The following PCDHGA1 variants were observed in gnomAD, a reference collection of about 807,000 sequenced individuals.
The protein encoded by PCDHGA1 is protocadherin gamma-A1.
PCDHGA1 carries 32 observed loss-of-function variants against 58.0 expected under a neutral mutation model. The observed-to-expected ratio is 0.55, with a 90% confidence interval of 0.42 to 0.74. The LOEUF is 0.74. Ranked by LOEUF, PCDHGA1 falls within the 30% of genes least tolerant of loss-of-function variation. The pLI is 0.00. For missense variants in PCDHGA1, 1,205 were observed against 1,182.3 expected, an observed-to-expected ratio of 1.02 and a Z score of -0.28; for synonymous variants, 498 against 501.1, an observed-to-expected ratio of 0.99 and a Z score of 0.08.
chr5:141,371,081 G>T, intron 1 of PCDHGA1: 11 of 1,613,852 alleles, frequency 6.8e-6, no homozygotes, highest in Non-Finnish European at 9.3e-6. Context: ...CCCAGATCAG[G>T]GTAATTGTCG....
chr5:141,495,977 T>C (rs2099765025), intron 2 of PCDHGA1, among the ~76,000 whole-genome samples: 1 of 152,174 alleles, frequency 6.6e-6, no homozygotes, highest in Admixed American at 6.5e-5. Flanking sequence ...TCTGTTACTC[T>C]TTCTTTATCT....
intron 1 of PCDHGA1, chr5:141,419,312 G>A (rs35892780): frequency 1.2e-6 from 2 of 1,613,962 alleles, no homozygotes; most frequent in South Asian, 2.2e-5. Context: ...CGGGCTCAAC[G>A]GCCGTGTCTC....
intron 1 of PCDHGA1, among the ~76,000 whole-genome samples, chr5:141,467,665 G>T (rs1205474808): frequency 4.6e-5 from 7 of 152,040 alleles, no homozygotes; most frequent in Non-Finnish European, 1.0e-4. Flanking sequence ...AGTGCCAGAA[G>T]ATTTTTATTT....
In PCDHGA1 at chr5:141,489,662, G is replaced by C; in HGVS notation, c.2422-5145G>C. 8.1e-6 allele frequency: 13 copies of C among 1,614,144 alleles called. No individual in the cohort carries two copies. The highest frequency in any genetic ancestry group is 1.1e-5 in the Non-Finnish European group (13 of 1,180,010). On this transcript the variant is annotated intron_variant, in intron 1 of 3. Coordinates refer to ENST00000517417, the MANE Select transcript of PCDHGA1 (RefSeq NM_018912.3). This position sits in a 1 kb window ranked among gnomAD's most constrained non-coding sequence, Gnocchi z 4.5. The stretch of plus-strand genomic sequence containing the variant: ...TTTGCCACCCCTGAGCGAGAGATGC[G>C]CATCTCAGAATCAGCAGCATCTGGG...
chr5:141,404,995 T>A (rs1561697585), intron 1 of PCDHGA1: 1 of 1,614,008 alleles, frequency 6.2e-7, no homozygotes, highest in Non-Finnish European at 8.5e-7. Context: ...TTCAGATCCC[T>A]GCAGACCTGG....
Position 141,498,971 on chromosome 5 carries a change from GGGAAGGAAGGAAGGAAGGAAGGAA to G in PCDHGA1, c.2480+4140_2480+4163del, listed in dbSNP as rs201769957. 5.1e-3 allele frequency among the ~76,000 whole-genome samples: 569 copies of G among 111,048 alleles called. 6 individuals carry two copies. Among genetic ancestry groups the G allele is most frequent in the South Asian group, 0.024 (65 of 2,658 alleles). 72.9% of individuals were successfully genotyped at this position (111,048 alleles called of 152,430 possible). A position where few individuals can be genotyped will look rare whatever the true frequency, so the allele number is the denominator to read the frequency against. On this transcript the variant is annotated intron_variant, in intron 2 of 3. Coordinates refer to ENST00000517417, the MANE Select transcript of PCDHGA1 (RefSeq NM_018912.3). ...AAAAAGAGAGAGAGGGAGGGAGGGA[GGGAAGGAAGGAAGGAAGGAAGGAA>G]GGAAGGAAGGAAGGAAGGAAGGAAG...
intron 1 of PCDHGA1, chr5:141,351,598 T>A: frequency 1.2e-6 from 2 of 1,614,046 alleles, no homozygotes; most frequent in Non-Finnish European, 8.5e-7. Context: ...ACAATGCACC[T>A]GTTTTCCATC....
Position 141,375,862 on chromosome 5 carries a change from G to T in PCDHGA1, c.2421+42757G>T, listed in dbSNP as rs759161440. 4.3e-6 allele frequency: 7 copies of T among 1,613,976 alleles called. No individual in the cohort carries two copies. The South Asian group carries it at 7.7e-5, about 18-fold the overall frequency. On this transcript the variant is annotated intron_variant, in intron 1 of 3. Coordinates refer to ENST00000517417, the MANE Select transcript of PCDHGA1 (RefSeq NM_018912.3). Reference sequence around the variant, plus strand: ...GCTACCTGGTGACCAAGGTGGTGGCGGTGGACAGAGACTCGGGCCAGAACG... The same window carrying T: ...GCTACCTGGTGACCAAGGTGGTGGCTGTGGACAGAGACTCGGGCCAGAACG...
Position 141,331,390 on chromosome 5 carries a change from A to C in PCDHGA1, c.706A>C (p.Asn236His). 1 of 1,614,148 alleles carries C rather than the reference A, an allele frequency of 6.2e-7. No individual in the cohort carries two copies. Among genetic ancestry groups the C allele is most frequent in the South Asian group, 1.1e-5 (1 of 91,070 alleles). The change falls in exon 1 of 4, where the codon AAT becomes CAT. Residue 236 changes from asparagine (N) to histidine (H), a missense_variant. Coordinates refer to ENST00000517417, the MANE Select transcript of PCDHGA1 (RefSeq NM_018912.3). The part of the protein sequence containing the change: ...LRIYIQVVDA[N>H]DNPPAFTQAQ... ...AATTTACATTCAGGTGGTGGATGCA[A>C]ATGACAATCCTCCAGCATTTACTCA...
At chr5:141,436,849 T>C (rs1007573014) in intron 1 of PCDHGA1, among the ~76,000 whole-genome samples, 11 of 152,256 alleles carry the variant, frequency 7.2e-5, no homozygotes, top group African/African-American at 2.7e-4. Context: ...ACATTCTTGA[T>C]TGAGAAGCCA....
chr5:141,383,620 G>C, intron 1 of PCDHGA1: 1 of 1,613,872 alleles, frequency 6.2e-7, no homozygotes, highest in Middle Eastern at 1.6e-4. Flanking sequence ...CCACACGCCT[G>C]TCTTCTCTCT....
At chr5:141,376,348 C>G in intron 1 of PCDHGA1, 6 of 1,614,184 alleles carry the variant, frequency 3.7e-6, no homozygotes, top group Non-Finnish European at 5.1e-6. Context: ...CCTATTCCCA[C>G]GAGGTCTCAC....
rs762783104 is a variant in PCDHGA1 at position 141,485,601 on chromosome 5, G to A, written c.2422-9206G>A. 4.3e-6 allele frequency: 7 copies of A among 1,612,290 alleles called. No homozygotes were observed. The highest frequency in any genetic ancestry group is 5.9e-6 in the Non-Finnish European group (7 of 1,178,722). On this transcript the variant is annotated intron_variant, in intron 1 of 3. Transcript: ENST00000517417. The surrounding 1 kb of genome is among the most constrained non-coding windows in gnomAD (Gnocchi z 5.7). ...CGGCAGCAGCTGGACTTGGAAATTG[G>A]GGAGGCAGCTCCTCCAGGACAGCGT...
At position 141,491,303 on chromosome 5, in the gene PCDHGA1, C is replaced by T; in HGVS notation, c.2422-3504C>T. On this transcript the variant is annotated intron_variant, in intron 1 of 3. Coordinates refer to ENST00000517417, the MANE Select transcript of PCDHGA1 (RefSeq NM_018912.3). This position sits in a 1 kb window ranked among gnomAD's most constrained non-coding sequence, Gnocchi z 6.9. ...TTCCTCATACACCCTCCTGAGCGTT[C>T]AGACCTTACCCTTTACCTCATTGTG... 6.2e-7 allele frequency: 1 copy of T among 1,614,132 alleles called. No homozygotes were observed. The highest frequency in any genetic ancestry group is 8.5e-7 in the Non-Finnish European group (1 of 1,179,962).
intron 1 of PCDHGA1, chr5:141,356,858 T>A: frequency 6.2e-7 from 1 of 1,614,210 alleles, no homozygotes; most frequent in Non-Finnish European, 8.5e-7. Context: ...CTCTTTGTGC[T>A]GGACCAGAAC....
chr5:141,431,053 G>A lies in PCDHGA1; in HGVS notation c.2422-63754G>A, dbSNP rs1208370015. On this transcript the variant is annotated intron_variant, in intron 1 of 3. Coordinates refer to ENST00000517417, the MANE Select transcript of PCDHGA1 (RefSeq NM_018912.3). This position sits in a 1 kb window ranked among gnomAD's most constrained non-coding sequence, Gnocchi z 4.8. ...TAGACCGGGAGGAGCTCTGTATGGG[G>A]GCCATCAAGTGTCAATTAAATCTAG... 1 of 1,614,174 alleles carries A rather than the reference G, an allele frequency of 6.2e-7. No homozygotes were observed. Among genetic ancestry groups the A allele is most frequent in the Admixed American group, 1.7e-5 (1 of 60,030 alleles).
At chr5:141,424,610 ATAGAG>A (rs1374272828) in intron 1 of PCDHGA1, 2 of 152,216 alleles carry the variant, frequency 1.3e-5, no homozygotes, top group African/African-American at 4.8e-5. Flanking sequence ...ATTTATTCAA[ATAGAG>A]TAGTTTGTGA....
chr5:141,365,600 G>A (rs1234948467), intron 1 of PCDHGA1: 1 of 1,613,374 alleles, frequency 6.2e-7, no homozygotes, highest in East Asian at 2.2e-5. Context: ...CACTTTAACC[G>A]TCATGGACCA....
At chr5:141,423,882 C>T in intron 1 of PCDHGA1, 3 of 1,282,372 alleles carry the variant, frequency 2.3e-6, no homozygotes, top group Non-Finnish European at 3.0e-6. Context: ...TCAATCTTGG[C>T]ATATTTTCTT....
Sources: allele counts gnomAD v4.1 joint callset (sites outside exome capture counted in the v4.1 genomes callset), GRCh38; gene constraint gnomAD v4.1.1; non-coding constraint Gnocchi (gnomAD v3.1); transcripts MANE v1.5; gene names NCBI Gene and HGNC (gene_info 2026-07-23, HGNC 2026-07-21).